The following MGST1 variants were observed in gnomAD, a reference collection of about 807,000 sequenced individuals.
MGST1 encodes the protein glutathione S-transferase 12.
In MGST1, 5 loss-of-function variants were observed where a neutral mutation model predicts 8.9. That is an observed-to-expected ratio of 0.56 (90% CI 0.29 to 1.19). MGST1 has a LOEUF of 1.19. Ranked by LOEUF, MGST1 falls within the 50% of genes most tolerant of loss-of-function variation. MGST1 has a pLI of 0.08. For missense variants in MGST1, 182 were observed against 187.4 expected (o/e 0.97, Z 0.17); for synonymous variants, 54 against 67.8 (o/e 0.80, Z 1.00).
chr12:16,588,831 CTCA>C (rs1457826681), intron 4 of MGST1, among the ~76,000 whole-genome samples: 1 of 152,030 alleles, frequency 6.6e-6, no homozygotes, highest in Admixed American at 6.6e-5. Flanking sequence ...CAATCTTCTC[CTCA>C]TGTTTAATTT....
At chr12:16,556,555 T>A (rs1434848486) in intron 4 of MGST1, among the ~76,000 whole-genome samples, 4 of 152,198 alleles carry the variant, frequency 2.6e-5, no homozygotes, top group African/African-American at 9.7e-5. Flanking sequence ...CACAAACGCG[T>A]AATTCCACAA....
At chr12:16,520,622 T>C (rs1941642371) in intron 4 of MGST1, among the ~76,000 whole-genome samples, 1 of 152,256 alleles carries the variant, frequency 6.6e-6, no homozygotes, top group African/African-American at 2.4e-5. Context: ...AGGTTTTCGC[T>C]GAGAAGTGTC....
chr12:16,531,089 G>T (rs1941719769), intron 4 of MGST1, among the ~76,000 whole-genome samples: 1 of 132,890 alleles, frequency 7.5e-6, no homozygotes, highest in Non-Finnish European at 1.5e-5. Context: ...AATTCAGGAA[G>T]TAAGTTGCAG....
intron 1 of MGST1, among the ~76,000 whole-genome samples, chr12:16,418,370 T>C (rs2137081385): frequency 6.6e-6 from 1 of 152,154 alleles, no homozygotes; most frequent in Non-Finnish European, 1.5e-5. Flanking sequence ...TTTGAATGAG[T>C]GAAAAAACAT....
Position 16,589,512 on chromosome 12 carries a change from A to T in MGST1, n.483-16A>T. 1 of 152,254 alleles carries T rather than the reference A, an allele frequency of 6.6e-6. No individual in the cohort carries two copies. The highest frequency in any genetic ancestry group is 3.4e-3 in the Middle Eastern group (1 of 294). 9.4% of individuals were successfully genotyped at this position (152,254 alleles called of 1,614,324 possible). A position where few individuals can be genotyped will look rare whatever the true frequency, so the allele number is the denominator to read the frequency against. On this transcript the variant is annotated splice_polypyrimidine_tract_variant and intron_variant and non_coding_transcript_variant, in intron 4 of 4. Transcript: ENST00000538857. This position sits in a 1 kb window ranked among gnomAD's most constrained non-coding sequence, Gnocchi z 4.2. The stretch of plus-strand genomic sequence containing the variant: ...AAATTAATTTAAAATCTCCTGAAAA[A>T]TTATGTCTTTTTTAGGTTGCTGCAG...
intron 4 of MGST1, among the ~76,000 whole-genome samples, chr12:16,558,479 A>G (rs918212742): frequency 2.0e-5 from 3 of 152,114 alleles, no homozygotes; most frequent in Admixed American, 2.0e-4. Flanking sequence ...TAAAATGTAT[A>G]AAATACATAT....
chr12:16,402,793 G>A (rs1940668293), intron 1 of MGST1, among the ~76,000 whole-genome samples: 1 of 151,298 alleles, frequency 6.6e-6, no homozygotes, highest in Admixed American at 6.6e-5. Flanking sequence ...CACTTGTATT[G>A]ATCTCCTTCA....
intron 4 of MGST1, among the ~76,000 whole-genome samples, chr12:16,465,655 G>A (rs1941248797): frequency 6.6e-6 from 1 of 152,190 alleles, no homozygotes; most frequent in Admixed American, 6.5e-5. Context: ...TCTAGTTGTA[G>A]AAAACAAGCT....
intron 4 of MGST1, among the ~76,000 whole-genome samples, chr12:16,577,985 C>CAGCA (rs998381221): frequency 4.6e-5 from 7 of 152,122 alleles, no homozygotes; most frequent in African/African-American, 1.4e-4. Flanking sequence ...TTTTGTCTGG[C>CAGCA]AACACTACAA....
intron 1 of MGST1, among the ~76,000 whole-genome samples, chr12:16,385,584 G>A (rs1940497637): frequency 2.0e-5 from 3 of 152,032 alleles, no homozygotes; most frequent in African/African-American, 7.2e-5. Context: ...ACATCTGCCT[G>A]GGAAAAAGTC....
chr12:16,448,228 C>A (rs1474289773), intron 4 of MGST1, among the ~76,000 whole-genome samples: 1 of 151,716 alleles, frequency 6.6e-6, no homozygotes, highest in East Asian at 1.9e-4. Flanking sequence ...TTCAAATTAA[C>A]AAATACTTAC....
At chr12:16,479,535 C>CTATTTTTTTT (rs1941350512) in intron 4 of MGST1, among the ~76,000 whole-genome samples, 2 of 113,122 alleles carry the variant, frequency 1.8e-5, no homozygotes, top group Admixed American at 2.0e-4. Context: ...CGCCCGGCCT[C>CTATTTTTTTT]TTTTTTTTTT....
rs1371835405 is a variant in MGST1, at chr12:16,500,390, G to T, written n.483-89138G>T. On this transcript the variant is annotated intron_variant and non_coding_transcript_variant, in intron 4 of 4. Transcript: ENST00000538857. The surrounding 1 kb of genome is among the most constrained non-coding windows in gnomAD (Gnocchi z 4.3). ...AACAACAGCTATTCCCAACCTTCTA[G>T]CTTGATCCATTCAGGGACACATTTC... is the stretch of plus-strand genomic sequence containing the variant. 6.6e-6 allele frequency among the ~76,000 whole-genome samples: 1 copy of T among 152,140 alleles called. No individual in the cohort carries two copies. Among genetic ancestry groups the T allele is most frequent in the Non-Finnish European group, 1.5e-5 (1 of 68,024 alleles).
intron 4 of MGST1, among the ~76,000 whole-genome samples, chr12:16,456,439 G>A (rs56104290): frequency 0.013 from 2,036 of 151,892 alleles, 31 homozygotes; most frequent in South Asian, 0.035. Flanking sequence ...TTTTAAAATA[G>A]CTATATCATT....
intron 4 of MGST1, among the ~76,000 whole-genome samples, chr12:16,556,807 T>G (rs768422813): frequency 2.0e-5 from 3 of 152,120 alleles, no homozygotes; most frequent in Non-Finnish European, 2.9e-5. Flanking sequence ...TTAGCTGACT[T>G]CCCGCATTAG....
chr12:16,539,900 C>T (rs1220033067), intron 4 of MGST1, among the ~76,000 whole-genome samples: 1 of 152,240 alleles, frequency 6.6e-6, no homozygotes, highest in East Asian at 1.9e-4. Context: ...GGATTTTAAT[C>T]TGCAACTCCT....
chr12:16,415,946 T>G (rs540524960), intron 1 of MGST1, among the ~76,000 whole-genome samples: 2 of 152,330 alleles, frequency 1.3e-5, no homozygotes, highest in Non-Finnish European at 2.9e-5. Flanking sequence ...TTTGCAGCCA[T>G]AATCAAGAAA....
chr12:16,423,024 C>T (rs1940851818), intron 1 of MGST1, among the ~76,000 whole-genome samples: 1 of 152,190 alleles, frequency 6.6e-6, no homozygotes, highest in Non-Finnish European at 1.5e-5. Context: ...GCCTTCTTTT[C>T]CCCTGACTCT....
intron 4 of MGST1, among the ~76,000 whole-genome samples, chr12:16,496,150 T>G (rs1409954443): frequency 6.6e-6 from 1 of 152,074 alleles, no homozygotes; most frequent in Non-Finnish European, 1.5e-5. Flanking sequence ...CTCCTAGGCA[T>G]GTAACATAGA....
Sources: gnomAD v4.1 joint callset for allele counts (sites outside exome capture counted in the v4.1 genomes callset) on GRCh38, gnomAD v4.1.1 for gene constraint, Gnocchi (gnomAD v3.1) non-coding constraint, MANE v1.5 for transcripts, NCBI Gene and HGNC (gene_info 2026-07-23, HGNC 2026-07-21) for gene names.